The following EPB41L4A variants were observed in gnomAD, a reference collection of about 807,000 sequenced individuals.
EPB41L4A encodes the protein band 4.1-like protein 4A.
A neutral mutation model predicts 108.6 loss-of-function variants in EPB41L4A; 100 were observed. The ratio of observed to expected loss-of-function variants is 0.92; its 90% CI spans 0.78 to 1.09. The LOEUF is 1.09. Among genes scored for constraint, EPB41L4A ranks in the 50% least tolerant of loss-of-function variants. The pLI, the probability that EPB41L4A is intolerant of heterozygous loss-of-function variation, is 0.00. For missense variants in EPB41L4A, 1,030 were observed against 842.7 expected, an observed-to-expected ratio of 1.22 and a Z score of -2.75; for synonymous variants, 319 against 289.0, an observed-to-expected ratio of 1.10 and a Z score of -1.05.
At chr5:112,405,415 G>C (rs185612242) in intron 1 of EPB41L4A, among the ~76,000 whole-genome samples, 38 of 152,280 alleles carry the variant, frequency 2.5e-4, no homozygotes, top group Admixed American at 5.9e-4. Context: ...ATAAATACTG[G>C]TTCTTTTAAA....
intron 13 of EPB41L4A, chr5:112,207,068 A>C (rs745642581): frequency 3.3e-5 from 5 of 152,252 alleles, no homozygotes; most frequent in Non-Finnish European, 7.3e-5. Context: ...CAAAAACAGC[A>C]TGGTATGGTA....
intron 1 of EPB41L4A, among the ~76,000 whole-genome samples, chr5:112,333,280 T>A (rs183512314): frequency 4.7e-5 from 7 of 149,714 alleles, no homozygotes; most frequent in South Asian, 2.1e-4. Flanking sequence ...AGGAAATATA[T>A]TGGGGGGTGG....
intron 1 of EPB41L4A, among the ~76,000 whole-genome samples, chr5:112,400,940 C>T (rs954620280): frequency 3.9e-5 from 6 of 152,100 alleles, no homozygotes; most frequent in Non-Finnish European, 7.4e-5. Context: ...TTCTGGATAA[C>T]TTTTAACTAT....
intron 12 of EPB41L4A, among the ~76,000 whole-genome samples, chr5:112,234,134 C>T (rs1355610796): frequency 6.7e-6 from 1 of 150,240 alleles, no homozygotes; most frequent in Non-Finnish European, 1.5e-5. Flanking sequence ...GCCTGGGCAA[C>T]ATAGTGAGAC....
At position 112,378,971 on chromosome 5, in the gene EPB41L4A, C is replaced by T. The variant is rs145460049; in HGVS notation, c.99+39970G>A. On this transcript the variant is annotated intron_variant, in intron 1 of 22. Transcript: ENST00000261486. Reference sequence around the variant, plus strand: ...TGTTCTCCAGCAGTCCATGTCCACTCTCCTGTGAATTAGTTATATGCAGGT... The same window carrying T: ...TGTTCTCCAGCAGTCCATGTCCACTTTCCTGTGAATTAGTTATATGCAGGT... 6.4e-3 allele frequency among the ~76,000 whole-genome samples: 973 copies of T among 152,282 alleles called. 11 individuals carry two copies. Among genetic ancestry groups the T allele is most frequent in the African/African-American group, 0.022 (930 of 41,548 alleles).
At chr5:112,215,744 C>G (rs1363978279) in intron 12 of EPB41L4A, among the ~76,000 whole-genome samples, 1 of 110,838 alleles carries the variant, frequency 9.0e-6, no homozygotes, top group Non-Finnish European at 1.7e-5. Flanking sequence ...GCCTGGGCGA[C>G]AGAGTGAGAC....
At chr5:112,288,360 A>G (rs926738872) in intron 2 of EPB41L4A, among the ~76,000 whole-genome samples, 1 of 152,226 alleles carries the variant, frequency 6.6e-6, no homozygotes, top group African/African-American at 2.4e-5. Context: ...TGAAAGGGAC[A>G]GAGATACTAC....
intron 2 of EPB41L4A, among the ~76,000 whole-genome samples, chr5:112,306,537 G>C (rs1196163850): frequency 5.9e-5 from 9 of 152,264 alleles, no homozygotes; most frequent in African/African-American, 1.9e-4. Context: ...AAATGACCCA[G>C]TGGAGGATGG....
At chr5:112,306,286 G>C (rs1455729960) in intron 2 of EPB41L4A, among the ~76,000 whole-genome samples, 1 of 152,126 alleles carries the variant, frequency 6.6e-6, no homozygotes, top group Non-Finnish European at 1.5e-5. Context: ...ATAGAATTCA[G>C]TGGACTTCTA....
chr5:112,166,310 CGCTTGGCA>C (rs1365086365), intron 22 of EPB41L4A, among the ~76,000 whole-genome samples: 2 of 152,184 alleles, frequency 1.3e-5, no homozygotes, highest in African/African-American at 4.8e-5. Flanking sequence ...GCCCCTTCTC[CGCTTGGCA>C]GCCAGATGAG....
In EPB41L4A at chr5:112,335,111, A is replaced by G. The variant is rs556797606; in HGVS notation, c.100-27621T>C. ...TCCTGGCTTTGCACTGATTGGGCACAAAGGAGCCCTGGACACAGGATGTCT... is the reference window on the plus strand; with the variant it reads ...TCCTGGCTTTGCACTGATTGGGCACGAAGGAGCCCTGGACACAGGATGTCT... On this transcript the variant is annotated intron_variant, in intron 1 of 22. Coordinates refer to ENST00000261486, the MANE Select transcript of EPB41L4A (RefSeq NM_022140.5). 4.6e-5 allele frequency among the ~76,000 whole-genome samples: 7 copies of G among 152,318 alleles called. 1 individual carries two copies. Among genetic ancestry groups the G allele is most frequent in the Admixed American group, 4.6e-4 (7 of 15,290 alleles).
At chr5:112,190,491 T>C (rs1761641997) in intron 17 of EPB41L4A, among the ~76,000 whole-genome samples, 1 of 151,782 alleles carries the variant, frequency 6.6e-6, no homozygotes, top group African/African-American at 2.4e-5. Context: ...TAACCAAAGG[T>C]ATAAAGTTAG....
At chr5:112,239,785 C>A in intron 10 of EPB41L4A, 48 bp from the exon 11 acceptor site, 1 of 1,278,666 alleles carries the variant, frequency 7.8e-7, no homozygotes, top group Non-Finnish European at 1.1e-6. Context: ...ATGTTATAGG[C>A]ATTCTGGGCC....
At chr5:112,374,295 G>T (rs1034038545) in intron 1 of EPB41L4A, among the ~76,000 whole-genome samples, 2 of 152,150 alleles carry the variant, frequency 1.3e-5, no homozygotes, top group South Asian at 2.1e-4. Context: ...CAGTTTCCTG[G>T]ATTAATCTTC....
In EPB41L4A at chr5:112,361,710, AAAT is replaced by A. The variant is rs869095266; in HGVS notation, c.100-54223_100-54221del. ...AAAGAACACCAAAAATGCTAAAAAAAAATAATAATAATAATAATAATAATAAAC... is the reference window on the plus strand; with the variant it reads ...AAAGAACACCAAAAATGCTAAAAAAAAATAATAATAATAATAATAATAAAC... On this transcript the variant is annotated intron_variant, in intron 1 of 22. Coordinates refer to ENST00000261486, the MANE Select transcript of EPB41L4A (RefSeq NM_022140.5). 2.7e-3 allele frequency among the ~76,000 whole-genome samples: 379 copies of A among 140,690 alleles called. 3 individuals carry two copies. The highest frequency in any genetic ancestry group is 8.4e-3 in the East Asian group (37 of 4,400). The allele number at this position is 140,690 out of a possible 152,430, so 92.3% of individuals were successfully genotyped here. A position where few individuals can be genotyped will look rare whatever the true frequency, so the allele number is the denominator to read the frequency against.
rs73788021 is a variant in EPB41L4A, at chr5:112,399,072, G to A, written c.99+19869C>T. ...GCGGAGCGGTGAATCCATCACCCTCGCCAAAATCAAACCATCTAAACCACC... is the reference window on the plus strand; with the variant it reads ...GCGGAGCGGTGAATCCATCACCCTCACCAAAATCAAACCATCTAAACCACC... On this transcript the variant is annotated intron_variant, in intron 1 of 22. Transcript: ENST00000261486. Among the ~76,000 whole-genome samples, 727 of 152,080 alleles carry A rather than the reference G, an allele frequency of 4.8e-3. 1 individual carries two copies. Among genetic ancestry groups the A allele is most frequent in the Middle Eastern group, 0.021 (6 of 292 alleles).
chr5:112,287,884 C>A (rs971590179), intron 2 of EPB41L4A, among the ~76,000 whole-genome samples: 1 of 152,116 alleles, frequency 6.6e-6, no homozygotes, highest in Non-Finnish European at 1.5e-5. Flanking sequence ...TGCTGATTGG[C>A]TTCATTTTGC....
rs564252774 is a variant in EPB41L4A at position 112,206,662 on chromosome 5, T to A, written c.1179-1158A>T. On this transcript the variant is annotated intron_variant, in intron 13 of 22. Transcript: ENST00000261486. The stretch of plus-strand genomic sequence containing the variant: ...GGGAGAAGGGAGACTGGAAAAGAAA[T>A]AGGGAGATAAAAGAGGAACTGAGAG... Among the ~76,000 whole-genome samples, 74 of 152,000 alleles carry A rather than the reference T, an allele frequency of 4.9e-4. No individual in the cohort carries two copies. The South Asian group carries it at 0.015, about 32-fold the overall frequency.
rs1757986696 is a variant in EPB41L4A, at chr5:112,350,783, T to C, written c.100-43293A>G. Among the ~76,000 whole-genome samples the C allele has an allele frequency of 1.3e-5, 2 of 152,222 alleles. 1 individual carries two copies. The highest frequency in any genetic ancestry group is 4.1e-4 in the South Asian group (2 of 4,826). Reference sequence around the variant, plus strand: ...CAGTGACCTCCAGCTCCATCCATGATGCTGCAATTGACAGGATTTCATTCT... The same window carrying C: ...CAGTGACCTCCAGCTCCATCCATGACGCTGCAATTGACAGGATTTCATTCT... On this transcript the variant is annotated intron_variant, in intron 1 of 22. Transcript: ENST00000261486.
Sources: allele counts gnomAD v4.1 joint callset (sites outside exome capture counted in the v4.1 genomes callset), GRCh38; gene constraint gnomAD v4.1.1; transcripts MANE v1.5; gene names NCBI Gene and HGNC (gene_info 2026-07-23, HGNC 2026-07-21).